Variants in SEL1L2 observed in about 807,000 individuals in gnomAD.
SEL1L2 encodes SEL1L2 adaptor subunit of SYVN1 ubiquitin ligase.
A neutral mutation model predicts 98.8 loss-of-function variants in SEL1L2; 89 were observed. That is an observed-to-expected ratio of 0.90 (90% CI 0.76 to 1.07). The LOEUF (loss-of-function observed/expected upper bound fraction) is 1.07, where lower values mean the gene tolerates loss of function less well. SEL1L2 is among the 50% of genes least tolerant of loss of function. The pLI, the probability that SEL1L2 is intolerant of heterozygous loss-of-function variation, is 0.00. For missense variants in SEL1L2, 788 were observed against 812.0 expected (o/e 0.97, Z 0.36); for synonymous variants, 262 against 278.5 (o/e 0.94, Z 0.59).
At chr20:13,967,552 C>T (rs2148495107) in intron 1 of SEL1L2, among the ~76,000 whole-genome samples, 1 of 152,278 alleles carries the variant, frequency 6.6e-6, no homozygotes, top group African/African-American at 2.4e-5. Context: ...GGTAGAATTT[C>T]ACAAGAACCT....
rs1242162682 is a variant in SEL1L2, at chr20:13,886,312, T to C, written c.876A>G (p.Ala292=). The change falls in exon 9 of 20, where the codon GCA becomes GCG. Residue 292 remains alanine (A), a synonymous_variant. Coordinates refer to ENST00000284951, the MANE Select transcript of SEL1L2 (RefSeq NM_025229.2). ...CTTGTATCTGAACATCTCCTCTTTC[T>C]GCCAAAAATTTATAGTATTGGTATA... is the stretch of plus-strand genomic sequence containing the variant. ...WDIYQYYKFL[A]ERGDVQIQVS... The C allele has an allele frequency of 6.2e-7, 1 of 1,611,014 alleles. No homozygotes were observed. Among genetic ancestry groups the C allele is most frequent in the South Asian group, 1.1e-5 (1 of 90,320 alleles).
At chr20:13,890,637 G>A (rs1274297578) in intron 5 of SEL1L2, among the ~76,000 whole-genome samples, 1 of 152,066 alleles carries the variant, frequency 6.6e-6, no homozygotes, top group Admixed American at 6.6e-5. Context: ...AACAGGAAAA[G>A]ATGGTCCTAT....
At position 13,865,212 on chromosome 20, in the gene SEL1L2, T is replaced by G; in HGVS notation, c.1600A>C (p.Met534Leu). Residue 534 changes from methionine to leucine, a missense_variant, in exon 17 of 20, where the codon ATG becomes CTG. Physicochemically the swap from Met to Leu is conservative, Grantham distance 15. Coordinates refer to ENST00000284951, the MANE Select transcript of SEL1L2 (RefSeq NM_025229.2). ...CATAGGAGAAGCGCCATTGGATACA[T>G]CTTCTCTTTTTCAAGAATGTTAGCC... ...KKANILEKEK[M>L]YPMALLLWNR... is the part of the protein sequence containing the mutation. 6.2e-7 allele frequency: 1 copy of G among 1,613,808 alleles called. No individual in the cohort carries two copies. Among genetic ancestry groups the G allele is most frequent in the Non-Finnish European group, 8.5e-7 (1 of 1,179,766 alleles).
At chr20:13,868,726 G>A (rs149588899) in intron 14 of SEL1L2, among the ~76,000 whole-genome samples, 1,791 of 151,256 alleles carry the variant, frequency 0.012, 16 homozygotes, top group Non-Finnish European at 0.02. Flanking sequence ...TTCTGCCTCA[G>A]CCTCCCGAGT....
At chr20:13,989,694 T>A (rs944673502) in intron 1 of SEL1L2, among the ~76,000 whole-genome samples, 10 of 152,246 alleles carry the variant, frequency 6.6e-5, no homozygotes, top group African/African-American at 2.4e-4. Context: ...TGTCAAATGC[T>A]TTTACTAGAT....
At chr20:13,954,778 G>C (rs945522574) in intron 2 of SEL1L2, among the ~76,000 whole-genome samples, 2 of 152,092 alleles carry the variant, frequency 1.3e-5, no homozygotes, top group Non-Finnish European at 2.9e-5. Flanking sequence ...AGCAGGCACT[G>C]ACTTGCAAGA....
At chr20:13,934,265 C>A (rs555562836) in intron 2 of SEL1L2, among the ~76,000 whole-genome samples, 1 of 136,088 alleles carries the variant, frequency 7.3e-6, no homozygotes, top group East Asian at 2.1e-4. Flanking sequence ...TAATATTATC[C>A]AGTCCCATCC....
intron 5 of SEL1L2, among the ~76,000 whole-genome samples, chr20:13,909,672 A>G (rs2048130117): frequency 6.6e-6 from 1 of 152,170 alleles, no homozygotes; most frequent in Admixed American, 6.5e-5. Context: ...TAAATATCAT[A>G]GTATTTTAGT....
intron 12 of SEL1L2, among the ~76,000 whole-genome samples, chr20:13,875,194 TA>T (rs1384206948): frequency 6.6e-6 from 1 of 152,232 alleles, no homozygotes; most frequent in Non-Finnish European, 1.5e-5. Flanking sequence ...GGCACTGCTT[TA>T]AGTACTTCAC....
intron 11 of SEL1L2, 119 bp from the exon 12 acceptor site, chr20:13,876,234 G>A: frequency 1.4e-6 from 1 of 717,302 alleles, no homozygotes. Flanking sequence ...AAATGCCACT[G>A]TAAATGCCAC....
Position 13,869,498 on chromosome 20 carries a change from CT to C in SEL1L2, c.1255+4del. On this transcript the variant is annotated splice_donor_region_variant and intron_variant, in intron 14 of 19. Transcript: ENST00000284951. ...AAATAAAGCAGCTGTATTTGTGGCA[CT>C]TACAGTAGTACATGAAGCCTAACTG... The C allele has an allele frequency of 6.2e-7, 1 of 1,607,466 alleles. No homozygotes were observed. The highest frequency in any genetic ancestry group is 8.5e-7 in the Non-Finnish European group (1 of 1,173,922).
At chr20:13,994,047 A>G (rs570741858), upstream of SEL1L2, among the ~76,000 whole-genome samples, 48 of 152,230 alleles carry the variant, frequency 3.2e-4, no homozygotes, top group Non-Finnish European at 6.5e-4. Flanking sequence ...ACGGTGGCTC[A>G]CGCCTGTAAT....
intron 1 of SEL1L2, among the ~76,000 whole-genome samples, chr20:13,966,220 G>A (rs983242171): frequency 1.3e-5 from 2 of 152,162 alleles, no homozygotes; most frequent in Admixed American, 6.5e-5. Flanking sequence ...TTCTTTATTA[G>A]TTTAATTTGT....
chr20:13,854,912 A>G (rs946297588), intron 18 of SEL1L2, among the ~76,000 whole-genome samples: 2 of 152,042 alleles, frequency 1.3e-5, no homozygotes, highest in Admixed American at 6.6e-5. Flanking sequence ...TTAGCTGGGC[A>G]TAGTGGTGCG....
At chr20:13,883,034 A>AT (rs1241647868) in intron 10 of SEL1L2, among the ~76,000 whole-genome samples, 1 of 151,796 alleles carries the variant, frequency 6.6e-6, no homozygotes, top group Non-Finnish European at 1.5e-5. Context: ...TTTAGCCAGG[A>AT]TGGTCTCGAT....
chr20:13,947,286 A>G (rs1445906509), intron 2 of SEL1L2, among the ~76,000 whole-genome samples: 1 of 151,858 alleles, frequency 6.6e-6, no homozygotes, highest in East Asian at 1.9e-4. Context: ...CATCAAGAAG[A>G]CCTGCCTGCA....
rs181066278 is a variant in SEL1L2, at chr20:13,870,084, T to C, written c.1167+57A>G. 5.5e-3 allele frequency: 7,013 copies of C among 1,265,656 alleles called. 30 individuals carry two copies. Among genetic ancestry groups the C allele is most frequent in the Non-Finnish European group, 6.5e-3 (5,718 of 879,398 alleles). The allele number at this position is 1,265,656 out of a possible 1,614,324, so 78.4% of individuals were successfully genotyped here. On this transcript the variant is annotated intron_variant, in intron 13 of 19. Transcript: ENST00000284951. Reference sequence around the variant, plus strand: ...ATTCCTTTAAACTAATGAATGACCATGAATTTTACCCTGTAAATTGCTACA... The same window carrying C: ...ATTCCTTTAAACTAATGAATGACCACGAATTTTACCCTGTAAATTGCTACA...
chr20:13,955,959 G>A, intron 2 of SEL1L2, 117 bp downstream of exon 2: 1 of 641,100 alleles, frequency 1.6e-6, no homozygotes, highest in Non-Finnish European at 2.7e-6. Context: ...GAATAATATT[G>A]ATTGAGAATT....
At chr20:13,917,646 A>G (rs2048460638) in intron 4 of SEL1L2, among the ~76,000 whole-genome samples, 1 of 152,030 alleles carries the variant, frequency 6.6e-6, no homozygotes, top group East Asian at 1.9e-4. Flanking sequence ...GAACTCATGG[A>G]CTTTGTTGCT....
Sources: gnomAD v4.1 joint callset for allele counts (sites outside exome capture counted in the v4.1 genomes callset) on GRCh38, gnomAD v4.1.1 for gene constraint, MANE v1.5 for transcripts, NCBI Gene and HGNC (gene_info 2026-07-23, HGNC 2026-07-21) for gene names.